Variants in TDRD10 observed in about 807,000 individuals in gnomAD.
The protein encoded by TDRD10 is tudor domain-containing protein 10.
A neutral mutation model predicts 48.0 loss-of-function variants in TDRD10; 40 were observed. That is an observed-to-expected ratio of 0.83 (90% CI 0.65 to 1.09). The LOEUF (loss-of-function observed/expected upper bound fraction) is 1.09. Ranked by LOEUF, TDRD10 falls within the 50% of genes least tolerant of loss-of-function variation. TDRD10 has a pLI of 0.00. For missense variants in TDRD10, 378 were observed against 434.7 expected, an observed-to-expected ratio of 0.87 and a Z score of 1.16; for synonymous variants, 162 against 170.4, an observed-to-expected ratio of 0.95 and a Z score of 0.38.
chr1:154,533,381 C>T (rs7551873), intron 6 of TDRD10, among the ~76,000 whole-genome samples: 28,064 of 142,926 alleles, frequency 0.2, 2,929 homozygotes, highest in South Asian at 0.24. Flanking sequence ...TCTGGACCTA[C>T]TGGTGTTTCT....
At chr1:154,508,609 CGTT>C in intron 4 of TDRD10, 128 bp downstream of exon 4, 2 of 700,386 alleles carry the variant, frequency 2.9e-6, no homozygotes, top group African/African-American at 1.8e-5. Flanking sequence ...GACAGTCACT[CGTT>C]GGTGACTAGG....
At chr1:154,509,468 A>C (rs1693324612) in intron 4 of TDRD10, among the ~76,000 whole-genome samples, 1 of 152,186 alleles carries the variant, frequency 6.6e-6, no homozygotes, top group Non-Finnish European at 1.5e-5. Context: ...GAGATGAGGC[A>C]GCCAAGGCTC....
chr1:154,545,310 G>T (rs1195934750), intron 11 of TDRD10, among the ~76,000 whole-genome samples: 1 of 152,184 alleles, frequency 6.6e-6, no homozygotes, highest in African/African-American at 2.4e-5. Context: ...AAAAGATTCT[G>T]CCATAGAAGA....
At chr1:154,520,408 A>G in intron 5 of TDRD10, 34 bp downstream of exon 5, 1 of 1,566,210 alleles carries the variant, frequency 6.4e-7, no homozygotes, top group Non-Finnish European at 8.8e-7. Context: ...TTCTTTGGGA[A>G]GCAGCTCCTT....
At chr1:154,524,598 A>G (rs1694213940) in intron 6 of TDRD10, among the ~76,000 whole-genome samples, 1 of 152,174 alleles carries the variant, frequency 6.6e-6, no homozygotes, top group African/African-American at 2.4e-5. Flanking sequence ...CTTTTATCCT[A>G]TTAAGGGTTT....
chr1:154,506,946 TC>T (rs748223413), intron 2 of TDRD10, 41 bp downstream of exon 2: 391 of 1,614,030 alleles, frequency 2.4e-4, no homozygotes, highest in Non-Finnish European at 3.0e-4. Context: ...CCTCGCTCCA[TC>T]CCCCAGCCTT....
Position 154,543,965 on chromosome 1 carries a change from G to A in TDRD10, c.506G>A (p.Gly169Glu). The part of the protein sequence containing the change: ...AFFAVPLEMR[G>E]SFLVLLLREC... The stretch of plus-strand genomic sequence containing the variant: ...TGCTCCCCTTGCTCTTCCCGCAGAG[G>A]GTCCTTCCTGGTGCTGCTCCTGAGG... The change falls in exon 9 of 13, where the codon GGG becomes GAG. Residue 169 changes from glycine (G) to glutamate (E), a missense_variant and splice_region_variant. Transcript: ENST00000368482. 3.7e-6 allele frequency: 6 copies of A among 1,613,944 alleles called. No homozygotes were observed. Among genetic ancestry groups the A allele is most frequent in the Non-Finnish European group, 4.2e-6 (5 of 1,179,930 alleles).
rs147723171 is a variant in TDRD10 at position 154,520,391 on chromosome 1, C to A, written c.212+17C>A. 1.9e-6 allele frequency: 3 copies of A among 1,604,204 alleles called. No individual in the cohort carries two copies. The highest frequency in any genetic ancestry group is 2.6e-6 in the Non-Finnish European group (3 of 1,171,134). ...CTGCAAATGGTAATGACTGTTCTTT[C>A]TTTGTTTTCTTTGGGAAGCAGCTCC... is the stretch of plus-strand genomic sequence containing the variant. On this transcript the variant is annotated intron_variant, in intron 5 of 12. Coordinates refer to ENST00000368482, the MANE Select transcript of TDRD10 (RefSeq NM_182499.4).
intron 3 of TDRD10, among the ~76,000 whole-genome samples, chr1:154,507,591 C>T (rs905612567): frequency 6.6e-6 from 1 of 152,174 alleles, no homozygotes; most frequent in Non-Finnish European, 1.5e-5. Context: ...AATTTTCCCT[C>T]TACCATCTCC....
At position 154,521,482 on chromosome 1, in the gene TDRD10, A is replaced by G. The variant is rs1694056141; in HGVS notation, c.369+3A>G. 2 of 1,613,296 alleles carry G rather than the reference A, an allele frequency of 1.2e-6. No individual in the cohort carries two copies. Among genetic ancestry groups the G allele is most frequent in the Admixed American group, 1.7e-5 (1 of 59,994 alleles). ...TCCAGCAGCCTCGGGCCCCGCTGGT[A>G]TGTCTTCTGGCCTTTCTGCTCTGGG... On this transcript the variant is annotated splice_donor_region_variant and intron_variant, in intron 6 of 12. Transcript: ENST00000368482.
At chr1:154,520,490 C>A in intron 5 of TDRD10, 116 bp downstream of exon 5, 1 of 757,420 alleles carries the variant, frequency 1.3e-6, no homozygotes, top group Non-Finnish European at 2.3e-6. Flanking sequence ...CACACCCACT[C>A]TGACTTGGCA....
At chr1:154,526,604 C>T (rs763722032) in intron 6 of TDRD10, among the ~76,000 whole-genome samples, 7 of 151,998 alleles carry the variant, frequency 4.6e-5, no homozygotes, top group East Asian at 1.9e-4. Flanking sequence ...TACAGCCACA[C>T]GCCACCACGC....
At chr1:154,519,974 G>C (rs1693973078) in intron 4 of TDRD10, among the ~76,000 whole-genome samples, 1 of 152,216 alleles carries the variant, frequency 6.6e-6, no homozygotes, top group Admixed American at 6.5e-5. Context: ...ACTTCTTCCT[G>C]GGAGCATACC....
chr1:154,521,009 G>T (rs957339322), intron 5 of TDRD10, among the ~76,000 whole-genome samples: 3 of 152,230 alleles, frequency 2.0e-5, no homozygotes, highest in Non-Finnish European at 4.4e-5. Flanking sequence ...AAAGTGCTGG[G>T]ATTGCAGATA....
chr1:154,505,188 G>A (rs1014864986), intron 1 of TDRD10, among the ~76,000 whole-genome samples: 5 of 152,134 alleles, frequency 3.3e-5, no homozygotes, highest in African/African-American at 7.2e-5. Context: ...CTGCATCTCC[G>A]GGACTTCATC....
intron 7 of TDRD10, 124 bp downstream of exon 7, chr1:154,542,190 T>C: frequency 1.0e-5 from 9 of 892,458 alleles, no homozygotes; most frequent in African/African-American, 1.7e-5. Flanking sequence ...TGTAGAAATA[T>C]CCCTTTTCCC....
At chr1:154,507,837 T>G (rs1693235788) in intron 3 of TDRD10, among the ~76,000 whole-genome samples, 2 of 152,202 alleles carry the variant, frequency 1.3e-5, no homozygotes, top group Admixed American at 1.3e-4. Flanking sequence ...TGTGCTCAGC[T>G]TTTTTGTATC....
intron 4 of TDRD10, chr1:154,509,659 G>C: frequency 4.5e-6 from 1 of 221,326 alleles, no homozygotes; most frequent in Non-Finnish European, 7.6e-6. Flanking sequence ...TCTGACAGAA[G>C]AAAATGTTAT....
intron 6 of TDRD10, among the ~76,000 whole-genome samples, chr1:154,532,471 G>T (rs892254901): frequency 2.0e-5 from 3 of 152,148 alleles, no homozygotes; most frequent in African/African-American, 7.2e-5. Flanking sequence ...ACACCTGCCT[G>T]CAAGCCGAGG....
Sources: allele counts gnomAD v4.1 joint callset (sites outside exome capture counted in the v4.1 genomes callset), GRCh38; gene constraint gnomAD v4.1.1; transcripts MANE v1.5; gene names NCBI Gene and HGNC (gene_info 2026-07-23, HGNC 2026-07-21).